The following RPS6KA3 variants were observed in gnomAD, a reference collection of about 807,000 sequenced individuals.
The protein encoded by RPS6KA3 is ribosomal protein S6 kinase alpha-3.
In RPS6KA3, 4 loss-of-function variants were observed where a neutral mutation model predicts 67.2. The ratio of observed to expected loss-of-function variants is 0.06; its 90% confidence interval spans 0.03 to 0.14. The LOEUF (loss-of-function observed/expected upper bound fraction) is 0.14. Among genes scored for constraint, RPS6KA3 ranks in the 10% least tolerant of loss-of-function variants. The pLI, the probability that RPS6KA3 is intolerant of heterozygous loss-of-function variation, is 1.00. For missense variants in RPS6KA3, 204 were observed against 559.0 expected (o/e 0.36, Z 6.40); for synonymous variants, 182 against 183.7 (o/e 0.99, Z 0.07).
At chrX:20,231,928 C>T (rs1265077173) in intron 2 of RPS6KA3, among the ~76,000 whole-genome samples, 5 of 111,445 alleles carry the variant, frequency 4.5e-5, no homozygotes, top group Admixed American at 9.5e-5. Flanking sequence ...TTAAACCACC[C>T]AGTTTGTGGT....
chrX:20,182,164 A>C (rs950886111), intron 10 of RPS6KA3, among the ~76,000 whole-genome samples: 1 of 112,113 alleles, frequency 8.9e-6, no homozygotes, highest in Non-Finnish European at 1.9e-5. Context: ...GCCAAGACAC[A>C]TAACATTGCC....
intron 2 of RPS6KA3, among the ~76,000 whole-genome samples, chrX:20,230,588 G>A (rs972871330): frequency 9.0e-6 from 1 of 111,393 alleles, no homozygotes; most frequent in Non-Finnish European, 1.9e-5. Context: ...AGAGGTGTGC[G>A]GCTAGAGAGG....
At chrX:20,265,922 C>T (rs1360826514) in intron 1 of RPS6KA3, 1 of 110,798 alleles carries the variant, frequency 9.0e-6, no homozygotes, top group East Asian at 2.8e-4. Flanking sequence ...GTTAAACTCA[C>T]AGGGACGGGG....
At chrX:20,235,187 A>G (rs1450717470) in intron 1 of RPS6KA3, among the ~76,000 whole-genome samples, 1 of 111,257 alleles carries the variant, frequency 9.0e-6, no homozygotes, top group African/African-American at 3.3e-5. Flanking sequence ...ATAATTAATC[A>G]AGGGAACTGA....
rs756502083 is a variant in RPS6KA3, at chrX:20,164,878, A to G, written c.1764+21T>C. On this transcript the variant is annotated intron_variant, in intron 18 of 21. Coordinates refer to ENST00000379565, the MANE Select transcript of RPS6KA3 (RefSeq NM_004586.3). ...AGTTTTAAAACATACTAATACTGCA[A>G]GCAAACTCTCTCACAATTACCTCTG... 3.4e-6 allele frequency: 4 copies of G among 1,172,996 alleles called. No homozygotes were observed. In the East Asian group the frequency reaches 1.2e-4, roughly 35 times the overall value.
chrX:20,169,478 C>T lies in RPS6KA3; in HGVS notation c.1367G>A (p.Ser456Asn), dbSNP rs754443220. Residue 456 changes from serine (S) to asparagine (N), a missense_variant, in exon 16 of 22, where the codon AGC (serine) becomes AAC (asparagine). Ser to Asn is a conservative substitution (Grantham distance 46). Transcript: ENST00000379565. ...AATTTCTTCTGTTGGGTCTCTCTTG[C>T]TTTTATCAATAATCTAAAAGGCAAA... The part of the protein sequence containing the change: ...MEFAVKIIDK[S>N]KRDPTEEIEI... The T allele has an allele frequency of 8.6e-7, 1 of 1,160,599 alleles. No homozygotes were observed. The highest frequency in any genetic ancestry group is 1.8e-5 in the African/African-American group (1 of 56,559).
intron 1 of RPS6KA3, among the ~76,000 whole-genome samples, chrX:20,258,732 A>C (rs1047446030): frequency 8.9e-6 from 1 of 112,351 alleles, no homozygotes; most frequent in African/African-American, 3.2e-5. Flanking sequence ...AGATGGGAAA[A>C]TTCGATTTAA....
chrX:20,182,596 C>A (rs762913488), intron 10 of RPS6KA3, among the ~76,000 whole-genome samples: 9 of 112,297 alleles, frequency 8.0e-5, no homozygotes, highest in African/African-American at 2.9e-4. Flanking sequence ...TTAATTGATT[C>A]TTCTGTTAAT....
At chrX:20,164,414 T>C (rs2067385249) in intron 18 of RPS6KA3, among the ~76,000 whole-genome samples, 1 of 104,101 alleles carries the variant, frequency 9.6e-6, no homozygotes, top group Admixed American at 1.0e-4. Context: ...TGAGAGGGGT[T>C]CTTGCTTTGT....
At chrX:20,173,257 AG>A (rs2067615834) in intron 14 of RPS6KA3, among the ~76,000 whole-genome samples, 2 of 112,170 alleles carry the variant, frequency 1.8e-5, no homozygotes, top group Non-Finnish European at 3.8e-5. Context: ...GAAAGGATTT[AG>A]GAGGATTCAG....
intron 4 of RPS6KA3, among the ~76,000 whole-genome samples, chrX:20,198,110 C>G (rs1187095810): frequency 8.9e-6 from 1 of 112,045 alleles, no homozygotes; most frequent in East Asian, 2.8e-4. Flanking sequence ...TTAACAGGAA[C>G]TTTAAAATGG....
intron 3 of RPS6KA3, among the ~76,000 whole-genome samples, chrX:20,206,146 C>T (rs971826458): frequency 3.6e-5 from 4 of 111,849 alleles, no homozygotes; most frequent in Non-Finnish European, 7.5e-5. Flanking sequence ...GCTGCCATCT[C>T]TTCCTCCACC....
At chrX:20,230,817 C>T (rs1157081925) in intron 2 of RPS6KA3, among the ~76,000 whole-genome samples, 2 of 111,200 alleles carry the variant, frequency 1.8e-5, no homozygotes, top group Non-Finnish European at 3.8e-5. Context: ...ATAGAAACAC[C>T]TAACATTTTA....
At chrX:20,163,357 A>G (rs1223921040) in intron 18 of RPS6KA3, among the ~76,000 whole-genome samples, 1 of 111,213 alleles carries the variant, frequency 9.0e-6, no homozygotes, top group African/African-American at 3.3e-5. Flanking sequence ...ACAAAAAACA[A>G]TGCTTTTAAG....
At chrX:20,232,348 G>A (rs1207533265) in intron 2 of RPS6KA3, among the ~76,000 whole-genome samples, 1 of 112,225 alleles carries the variant, frequency 8.9e-6, no homozygotes, top group Non-Finnish European at 1.9e-5. Flanking sequence ...GCCGAGGCGA[G>A]CAGATCACAA....
chrX:20,188,613 C>A, intron 7 of RPS6KA3, 79 bp from the exon 8 acceptor site: 1 of 522,483 alleles, frequency 1.9e-6, no homozygotes, highest in South Asian at 2.7e-5. Flanking sequence ...CATCCTTAAG[C>A]ATCAGATCAC....
Position 20,155,218 on chromosome X carries a change from T to TA in RPS6KA3, c.*179_*180insT. 1 of 527,814 alleles carries TA rather than the reference T, an allele frequency of 1.9e-6. No individual in the cohort carries two copies. Among genetic ancestry groups the TA allele is most frequent in the Non-Finnish European group, 3.3e-6 (1 of 304,395 alleles). 43.5% of individuals were successfully genotyped at this position (527,814 alleles called of 1,213,427 possible). A position where few individuals can be genotyped will look rare whatever the true frequency, so the allele number is the denominator to read the frequency against. On this transcript the variant is annotated 3_prime_UTR_variant, in exon 22 of 22. Transcript: ENST00000379565. ...TCCGAAGCTCCAGGAAAATCTAACT[T>TA]GCTAACAATCATTTAAAGCGAGAAG... is the stretch of plus-strand genomic sequence containing the variant.
At chrX:20,226,304 C>G (rs774054414) in intron 2 of RPS6KA3, among the ~76,000 whole-genome samples, 42 of 112,002 alleles carry the variant, frequency 3.7e-4, no homozygotes, top group African/African-American at 1.4e-3. Flanking sequence ...CCAGCCAGAA[C>G]AGAATGGCTC....
chrX:20,175,116 T>A, intron 14 of RPS6KA3, 48 bp downstream of exon 14: 2 of 1,109,667 alleles, frequency 1.8e-6, no homozygotes, highest in Non-Finnish European at 2.5e-6. Context: ...CAGAATGAAC[T>A]ATATCTTACA....
Sources: gnomAD v4.1 joint callset for allele counts (sites outside exome capture counted in the v4.1 genomes callset) on GRCh38, gnomAD v4.1.1 for gene constraint, MANE v1.5 for transcripts, NCBI Gene and HGNC (gene_info 2026-07-23, HGNC 2026-07-21) for gene names.